Variants in DRC11 observed in about 807,000 individuals in gnomAD.
The protein encoded by DRC11 is dynein regulatory complex subunit 11.
chr2:236,341,769 C>G, the DRC11 span, among the ~76,000 whole-genome samples: 4 of 152,178 alleles, frequency 2.6e-5, no homozygotes, highest in African/African-American at 9.7e-5. Context: ...GGAGAAGGCC[C>G]CATTCTGGCA....
At chr2:236,359,243 GTAAA>G in the DRC11 span, among the ~76,000 whole-genome samples, 2 of 151,882 alleles carry the variant, frequency 1.3e-5, no homozygotes, top group East Asian at 1.9e-4. This position sits in a 1 kb window ranked among gnomAD's most constrained non-coding sequence, Gnocchi z 4.3. Flanking sequence ...TAGTCTACAA[GTAAA>G]TAGTCATTTA....
chr2:236,403,321 G>A, the DRC11 span, among the ~76,000 whole-genome samples: 1 of 152,172 alleles, frequency 6.6e-6, no homozygotes, highest in African/African-American at 2.4e-5. Context: ...GGGAGAGAGA[G>A]AGAGGCAGAG....
chr2:236,498,920 G>C, the DRC11 span, among the ~76,000 whole-genome samples: 1 of 152,230 alleles, frequency 6.6e-6, no homozygotes, highest in African/African-American at 2.4e-5. Flanking sequence ...TGGAAAGTCA[G>C]TGTGTCTGGG....
At chr2:236,494,646 C>A in the DRC11 span, among the ~76,000 whole-genome samples, 1 of 152,142 alleles carries the variant, frequency 6.6e-6, no homozygotes, top group Non-Finnish European at 1.5e-5. The surrounding 1 kb of genome is among the most constrained non-coding windows in gnomAD (Gnocchi z 4.2). Context: ...GAATTGGCTA[C>A]CTTATTTTTT....
the DRC11 span, among the ~76,000 whole-genome samples, chr2:236,310,252 C>T: frequency 6.6e-6 from 1 of 152,134 alleles, no homozygotes; most frequent in African/African-American, 2.4e-5. The surrounding 1 kb of genome is among the most constrained non-coding windows in gnomAD (Gnocchi z 5.5). Context: ...GCTGGCTTCA[C>T]CAAGGCCCAA....
chr2:236,494,854 G>A, the DRC11 span, among the ~76,000 whole-genome samples: 2 of 152,196 alleles, frequency 1.3e-5, no homozygotes, highest in Non-Finnish European at 1.5e-5. The surrounding 1 kb of genome is among the most constrained non-coding windows in gnomAD (Gnocchi z 4.2). Flanking sequence ...TGCTGGGGGT[G>A]ACGGGAGAGT....
the DRC11 span, among the ~76,000 whole-genome samples, chr2:236,393,082 G>A: frequency 3.9e-5 from 6 of 152,150 alleles, no homozygotes; most frequent in South Asian, 2.1e-4. The surrounding 1 kb of genome is among the most constrained non-coding windows in gnomAD (Gnocchi z 4.7). Flanking sequence ...GATCCTCGAC[G>A]TGGGACTTGG....
the DRC11 span, among the ~76,000 whole-genome samples, chr2:236,467,117 A>T: frequency 6.6e-6 from 1 of 152,214 alleles, no homozygotes; most frequent in African/African-American, 2.4e-5. Context: ...TTTACTCTCA[A>T]GAGTTTTGAA....
At chr2:236,434,627 C>T in the DRC11 span, among the ~76,000 whole-genome samples, 1 of 152,120 alleles carries the variant, frequency 6.6e-6, no homozygotes, top group Non-Finnish European at 1.5e-5. This position sits in a 1 kb window ranked among gnomAD's most constrained non-coding sequence, Gnocchi z 5.5. Context: ...ATCACCATGC[C>T]GTTCTGACTC....
At chr2:236,326,467 A>G in the DRC11 span, among the ~76,000 whole-genome samples, 1 of 152,060 alleles carries the variant, frequency 6.6e-6, no homozygotes, top group African/African-American at 2.4e-5. Flanking sequence ...TTGCTCTTTG[A>G]TCATGTTTAG....
chr2:236,350,522 A>G, the DRC11 span, among the ~76,000 whole-genome samples: 2 of 152,248 alleles, frequency 1.3e-5, no homozygotes, highest in Admixed American at 6.5e-5. This position sits in a 1 kb window ranked among gnomAD's most constrained non-coding sequence, Gnocchi z 5.2. Context: ...CACATGCTCC[A>G]TGTGTGCCAA....
chr2:236,391,443 A>G, the DRC11 span: 1 of 154,218 alleles, frequency 6.5e-6, no homozygotes, highest in Admixed American at 6.4e-5. This position sits in a 1 kb window ranked among gnomAD's most constrained non-coding sequence, Gnocchi z 4.5. Context: ...TCTGGCTCCA[A>G]TGACAGGGCT....
At chr2:236,354,868 C>A in the DRC11 span, among the ~76,000 whole-genome samples, 5 of 152,264 alleles carry the variant, frequency 3.3e-5, no homozygotes, top group South Asian at 2.1e-4. Flanking sequence ...GACATGTATC[C>A]CGGGTCCTGG....
At chr2:236,396,302 C>CG in the DRC11 span, among the ~76,000 whole-genome samples, 15,751 of 59,956 alleles carry the variant, frequency 0.26, 1,610 homozygotes, top group Admixed American at 0.33. Flanking sequence ...GAAAGAGGGG[C>CG]GGGGGGGGGT....
At chr2:236,356,899 G>A in the DRC11 span, among the ~76,000 whole-genome samples, 1 of 127,276 alleles carries the variant, frequency 7.9e-6, no homozygotes, top group Non-Finnish European at 1.6e-5. Context: ...TTTATAATAT[G>A]TATATTTATA....
At chr2:236,475,840 A>G in the DRC11 span, among the ~76,000 whole-genome samples, 2 of 152,106 alleles carry the variant, frequency 1.3e-5, no homozygotes, top group Admixed American at 6.5e-5. The surrounding 1 kb of genome is among the most constrained non-coding windows in gnomAD (Gnocchi z 4.8). Flanking sequence ...CCTTTCTCCA[A>G]TGTAGGTTCT....
chr2:236,388,794 T>C, the DRC11 span, among the ~76,000 whole-genome samples: 1 of 149,896 alleles, frequency 6.7e-6, no homozygotes, highest in South Asian at 2.1e-4. Context: ...TTTGTGGTTT[T>C]ATCTACTTTT....
chr2:236,446,650 C>T, the DRC11 span, among the ~76,000 whole-genome samples: 2 of 152,316 alleles, frequency 1.3e-5, no homozygotes, highest in South Asian at 4.1e-4. This position sits in a 1 kb window ranked among gnomAD's most constrained non-coding sequence, Gnocchi z 6.2. Context: ...GTGCCTGGGA[C>T]CCACAGGCCG....
chr2:236,452,496 CT>C, the DRC11 span, among the ~76,000 whole-genome samples: 1 of 152,218 alleles, frequency 6.6e-6, no homozygotes, highest in Non-Finnish European at 1.5e-5. The surrounding 1 kb of genome is among the most constrained non-coding windows in gnomAD (Gnocchi z 4.7). Flanking sequence ...AAGAAAGCAG[CT>C]TGTGCCACTG....
Sources: gnomAD v4.1 joint callset for allele counts (sites outside exome capture counted in the v4.1 genomes callset) on GRCh38, gnomAD v4.1.1 for gene constraint, Gnocchi (gnomAD v3.1) non-coding constraint, MANE v1.5 for transcripts, NCBI Gene and HGNC (gene_info 2026-07-23, HGNC 2026-07-21) for gene names.